IGDCC3: variants seen among roughly 807,000 people sequenced by gnomAD.
IGDCC3 encodes immunoglobulin superfamily DCC subclass member 3, also known as putative neuronal cell adhesion molecule.
IGDCC3 carries 47 observed loss-of-function variants against 72.0 expected under a neutral mutation model. The observed-to-expected ratio is 0.65, with a 90% confidence interval of 0.52 to 0.83. IGDCC3 has a LOEUF of 0.83. IGDCC3 is among the 40% of genes least tolerant of loss of function. The pLI, the probability that IGDCC3 is intolerant of heterozygous loss-of-function variation, is 0.00. For missense variants in IGDCC3, 1,038 were observed against 1,091.3 expected (o/e 0.95, Z 0.69); for synonymous variants, 477 against 472.8 (o/e 1.01, Z -0.11).
chr15:65,331,693 C>G lies in IGDCC3; in HGVS notation c.1149-34G>C. 4 of 1,552,712 alleles carry G rather than the reference C, an allele frequency of 2.6e-6. No homozygotes were observed. In the African/African-American group the frequency reaches 5.4e-5, roughly 21 times the overall value. The stretch of plus-strand genomic sequence containing the variant: ...GAGAGAGACAGCCTCAGGTTCCCTC[C>G]TCCCTGGAGGTTGACCAAATCTCCC... On this transcript the variant is annotated intron_variant, in intron 7 of 13. Transcript: ENST00000327987.
intron 2 of IGDCC3, among the ~76,000 whole-genome samples, chr15:65,342,473 C>A (rs1174544587): frequency 6.6e-6 from 1 of 152,176 alleles, no homozygotes; most frequent in Admixed American, 6.5e-5. Flanking sequence ...TCAGCAGCCA[C>A]AAGTGGTTAC....
chr15:65,375,141 C>T lies in IGDCC3; in HGVS notation c.365G>A (p.Arg122His), dbSNP rs370616217. The change falls in exon 2 of 14, where the codon CGC becomes CAC. Residue 122 changes from arginine to histidine, a missense_variant. Arg to His is a conservative substitution (Grantham distance 29, BLOSUM62 0). Coordinates refer to ENST00000327987, the MANE Select transcript of IGDCC3 (RefSeq NM_004884.4). Reference sequence around the variant, plus strand: ...CTTCCGGCTGACCACCAGCCCAAAGCGGTTCTGGGCCACACACTCATAGTC... The same window carrying T: ...CTTCCGGCTGACCACCAGCCCAAAGTGGTTCTGGGCCACACACTCATAGTC... ...EGDYECVAQNRFGLVVSRKAR... is the reference protein window; with the variant it reads ...EGDYECVAQNHFGLVVSRKAR... 5.0e-6 allele frequency: 8 copies of T among 1,614,088 alleles called. No individual in the cohort carries two copies. Among genetic ancestry groups the T allele is most frequent in the Middle Eastern group, 1.6e-4 (1 of 6,062 alleles).
intron 2 of IGDCC3, among the ~76,000 whole-genome samples, chr15:65,356,712 G>A (rs2091223315): frequency 7.0e-6 from 1 of 142,670 alleles, no homozygotes; most frequent in African/African-American, 2.6e-5. Context: ...GGTGGGTGGG[G>A]AGATTACACC....
At chr15:65,361,014 G>A (rs2091256737) in intron 2 of IGDCC3, among the ~76,000 whole-genome samples, 1 of 152,040 alleles carries the variant, frequency 6.6e-6, no homozygotes, top group South Asian at 2.1e-4. Flanking sequence ...TGACTCAAAT[G>A]ATACACCTGC....
At chr15:65,365,103 T>A (rs1050584195) in intron 2 of IGDCC3, among the ~76,000 whole-genome samples, 1 of 152,036 alleles carries the variant, frequency 6.6e-6, no homozygotes, top group Non-Finnish European at 1.5e-5. Flanking sequence ...GGTTTCCAAG[T>A]CTGTAAAATG....
intron 2 of IGDCC3, among the ~76,000 whole-genome samples, chr15:65,353,632 A>G (rs560240271): frequency 6.6e-6 from 1 of 152,320 alleles, no homozygotes; most frequent in South Asian, 2.1e-4. Context: ...AGACCTTGCT[A>G]ATAAAACAGG....
chr15:65,376,042 G>T (rs1037932724), intron 1 of IGDCC3, among the ~76,000 whole-genome samples: 1 of 152,216 alleles, frequency 6.6e-6, no homozygotes, highest in Admixed American at 6.5e-5. Context: ...ATGCCTGGCA[G>T]GGAGCAGGGT....
intron 2 of IGDCC3, among the ~76,000 whole-genome samples, chr15:65,347,065 T>G (rs2091130505): frequency 6.6e-6 from 1 of 152,182 alleles, no homozygotes; most frequent in Non-Finnish European, 1.5e-5. Flanking sequence ...CTTCCTTATG[T>G]AAACCTGCCC....
intron 2 of IGDCC3, among the ~76,000 whole-genome samples, chr15:65,365,662 A>G (rs2091285143): frequency 7.5e-6 from 1 of 132,914 alleles, no homozygotes; most frequent in East Asian, 2.7e-4. Context: ...TTATCTTCCC[A>G]GTCTCTCTCC....
At chr15:65,358,309 T>C (rs2091239003) in intron 2 of IGDCC3, among the ~76,000 whole-genome samples, 1 of 152,094 alleles carries the variant, frequency 6.6e-6, no homozygotes, top group African/African-American at 2.4e-5. Flanking sequence ...TTTTGCCATG[T>C]TGCCCAGGCT....
chr15:65,365,818 C>A (rs1023481868), intron 2 of IGDCC3, among the ~76,000 whole-genome samples: 5 of 152,194 alleles, frequency 3.3e-5, no homozygotes, highest in African/African-American at 9.6e-5. Flanking sequence ...CACCTGTAAT[C>A]CCAGCACTTT....
Position 65,329,025 on chromosome 15 carries a change from C to T in IGDCC3, c.2329G>A (p.Ala777Thr), listed in dbSNP as rs527433261. ...AKTTEATAPCAGLAAAPPPPD... is the reference protein window; with the variant it reads ...AKTTEATAPCTGLAAAPPPPD... ...GGTGGTGGGGCAGCCGCCAGGCCGGCGCAGGGAGCCGTGGCCTCTGTGGTC... is the reference window on the plus strand; with the variant it reads ...GGTGGTGGGGCAGCCGCCAGGCCGGTGCAGGGAGCCGTGGCCTCTGTGGTC... Residue 777 changes from alanine to threonine, a missense_variant, in exon 14 of 14, where the codon GCC becomes ACC. Physicochemically the swap from Ala to Thr is moderately conservative, Grantham distance 58. Transcript: ENST00000327987. The surrounding 1 kb of genome is among the most constrained non-coding windows in gnomAD (Gnocchi z 4.1). 7 of 1,612,212 alleles carry T rather than the reference C, an allele frequency of 4.3e-6. No homozygotes were observed. The East Asian group carries it at 6.7e-5, about 15-fold the overall frequency.
chr15:65,353,721 C>T (rs2091190313), intron 2 of IGDCC3, among the ~76,000 whole-genome samples: 1 of 152,210 alleles, frequency 6.6e-6, no homozygotes, highest in African/African-American at 2.4e-5. Context: ...CACTACTACA[C>T]TCCCACCAGC....
At chr15:65,369,037 C>T (rs927283184) in intron 2 of IGDCC3, among the ~76,000 whole-genome samples, 1 of 152,106 alleles carries the variant, frequency 6.6e-6, no homozygotes, top group African/African-American at 2.4e-5. Flanking sequence ...ATGGAATATC[C>T]AGCCACAAAA....
At chr15:65,331,775 C>T in intron 7 of IGDCC3, 116 bp from the exon 8 acceptor site, 1 of 1,413,410 alleles carries the variant, frequency 7.1e-7, no homozygotes. Flanking sequence ...TGTGTGAGGT[C>T]TCCCAGCAAG....
At position 65,374,695 on chromosome 15, in the gene IGDCC3, G is replaced by A. The variant is rs116017312; in HGVS notation, c.409+402C>T. ...ACATAATTAAAAATTGCATGTAGCC[G>A]AAATTACCCTTCAAGAATTTCTTTA... On this transcript the variant is annotated intron_variant, in intron 2 of 13. Transcript: ENST00000327987. 8.9e-3 allele frequency among the ~76,000 whole-genome samples: 1,350 copies of A among 152,188 alleles called. 24 individuals carry two copies. The highest frequency in any genetic ancestry group is 0.031 in the African/African-American group (1,298 of 41,514).
At position 65,328,248 on chromosome 15, in the gene IGDCC3, T is replaced by C. The variant is rs1376755495; in HGVS notation, c.*661A>G. On this transcript the variant is annotated 3_prime_UTR_variant, in exon 14 of 14. Transcript: ENST00000327987. ...AGACATTTTCTTTCACATCTGGAAA[T>C]GGGGAAGTGCTTTTTTTTTTCTTTC... is the stretch of plus-strand genomic sequence containing the variant. The C allele has an allele frequency of 1.4e-5, 2 of 143,930 alleles. No homozygotes were observed. The highest frequency in any genetic ancestry group is 3.0e-5 in the Non-Finnish European group (2 of 66,078). 8.9% of individuals were successfully genotyped at this position (143,930 alleles called of 1,614,324 possible). A position where few individuals can be genotyped will look rare whatever the true frequency, so the allele number is the denominator to read the frequency against.
At chr15:65,344,401 C>T (rs2091108763) in intron 2 of IGDCC3, among the ~76,000 whole-genome samples, 2 of 152,156 alleles carry the variant, frequency 1.3e-5, no homozygotes, top group African/African-American at 4.8e-5. Flanking sequence ...TCACTACCAC[C>T]AGCTCACCAC....
At position 65,331,347 on chromosome 15, in the gene IGDCC3, G is replaced by A. The variant is rs2090976209; in HGVS notation, c.1396+65C>T. ...AAAGGGAGGCATCGGGTCACGACGTGCAGGATTGGAAGGAATAAGAAATAG... is the reference window on the plus strand; with the variant it reads ...AAAGGGAGGCATCGGGTCACGACGTACAGGATTGGAAGGAATAAGAAATAG... On this transcript the variant is annotated intron_variant, in intron 8 of 13. Coordinates refer to ENST00000327987, the MANE Select transcript of IGDCC3 (RefSeq NM_004884.4). 3.2e-6 allele frequency: 5 copies of A among 1,568,700 alleles called. No homozygotes were observed. The Admixed American group carries it at 7.0e-5, about 22-fold the overall frequency.
Sources: allele counts gnomAD v4.1 joint callset (sites outside exome capture counted in the v4.1 genomes callset), GRCh38; gene constraint gnomAD v4.1.1; non-coding constraint Gnocchi (gnomAD v3.1); transcripts MANE v1.5; gene names NCBI Gene and HGNC (gene_info 2026-07-23, HGNC 2026-07-21).